CSTF3: variants seen among roughly 807,000 people sequenced by gnomAD.
The protein encoded by CSTF3 is CF-1 77 kDa subunit.
CSTF3 carries 29 observed loss-of-function variants against 105.8 expected under a neutral mutation model. The observed-to-expected ratio is 0.27, with a 90% confidence interval of 0.20 to 0.37. The LOEUF is 0.37. Among genes scored for constraint, CSTF3 ranks in the 10% least tolerant of loss-of-function variants. CSTF3 has a pLI of 1.00. For synonymous variants in CSTF3, 252 were observed against 281.9 expected, an observed-to-expected ratio of 0.89 and a Z score of 1.06; for missense variants, 357 against 879.3, an observed-to-expected ratio of 0.41 and a Z score of 7.51.
chr11:33,152,371 C>T (rs1378834798), intron 1 of CSTF3, among the ~76,000 whole-genome samples: 1 of 152,184 alleles, frequency 6.6e-6, no homozygotes, highest in African/African-American at 2.4e-5. Flanking sequence ...TCGATCAATC[C>T]TCCTGCCTCA....
intron 1 of CSTF3, among the ~76,000 whole-genome samples, chr11:33,159,706 G>A (rs148059001): frequency 6.8e-4 from 104 of 151,864 alleles, no homozygotes; most frequent in African/African-American, 2.4e-3. Context: ...CAGGGAGGTC[G>A]AAGCTATGGT....
At chr11:33,148,523 C>G (rs1026906445) in intron 1 of CSTF3, among the ~76,000 whole-genome samples, 1 of 147,828 alleles carries the variant, frequency 6.8e-6, no homozygotes, top group Non-Finnish European at 1.5e-5. Context: ...ACAGTGACAC[C>G]CCGTCTCTAC....
At chr11:33,130,302 G>GTCTC (rs576293279) in intron 3 of CSTF3, among the ~76,000 whole-genome samples, 1 of 151,942 alleles carries the variant, frequency 6.6e-6, no homozygotes, top group Non-Finnish European at 1.5e-5. Flanking sequence ...GTGAAAGCCT[G>GTCTC]TCTCTACTAA....
chr11:33,138,538 C>G (rs1262758348), intron 3 of CSTF3, among the ~76,000 whole-genome samples: 1 of 151,694 alleles, frequency 6.6e-6, no homozygotes, highest in African/African-American at 2.4e-5. Context: ...TTTATTAAAT[C>G]CAAAAATATA....
chr11:33,103,150 T>C lies in CSTF3; in HGVS notation c.620A>G (p.Glu207Gly). The change falls in exon 9 of 21, where the codon GAA becomes GGA. Residue 207 changes from glutamate (E) to glycine (G), a missense_variant. By Grantham distance (98) the Glu-to-Gly change is moderately conservative (BLOSUM62 -2). Transcript: ENST00000323959. ...INIHLAKKMI[E>G]DRSRDYMNAR... Reference sequence around the variant, plus strand: ...ATTCATATAATCTCTACTCCGATCTTCAATCATTTTTTTAGCTAAATGAAT... The same window carrying C: ...ATTCATATAATCTCTACTCCGATCTCCAATCATTTTTTTAGCTAAATGAAT... The C allele has an allele frequency of 6.4e-7, 1 of 1,569,294 alleles. No homozygotes were observed. Among genetic ancestry groups the C allele is most frequent in the Non-Finnish European group, 8.6e-7 (1 of 1,160,698 alleles).
intron 10 of CSTF3, among the ~76,000 whole-genome samples, chr11:33,101,250 G>A (rs1239855366): frequency 6.6e-6 from 1 of 152,168 alleles, no homozygotes; most frequent in Non-Finnish European, 1.5e-5. Flanking sequence ...AAAGGAGAAA[G>A]CCAGATCCCG....
intron 3 of CSTF3, among the ~76,000 whole-genome samples, chr11:33,134,939 T>C (rs1390206113): frequency 6.6e-6 from 1 of 151,984 alleles, no homozygotes; most frequent in Non-Finnish European, 1.5e-5. Flanking sequence ...TAAAAGGATG[T>C]TAGCTAAATA....
chr11:33,127,000 A>C (rs931486697), intron 3 of CSTF3, among the ~76,000 whole-genome samples: 2 of 152,218 alleles, frequency 1.3e-5, no homozygotes, highest in Non-Finnish European at 2.9e-5. Context: ...ATTTTTGTAG[A>C]TCTGAAGAAA....
intron 1 of CSTF3, among the ~76,000 whole-genome samples, chr11:33,159,175 C>G (rs1214057663): frequency 6.6e-6 from 1 of 152,070 alleles, no homozygotes; most frequent in Non-Finnish European, 1.5e-5. Context: ...ATGCGTGGAC[C>G]AGGCGTGGTG....
rs1216048901 is a variant in CSTF3, at chr11:33,099,689, A to C, written c.855T>G (p.Leu285=). 7 of 1,610,302 alleles carry C rather than the reference A, an allele frequency of 4.3e-6. No homozygotes were observed. In the South Asian group the frequency reaches 7.8e-5, roughly 18 times the overall value. Residue 285 remains leucine (L), a synonymous_variant, in exon 11 of 21, where the codon CTT becomes CTG. Transcript: ENST00000323959. The surrounding 1 kb of genome is among the most constrained non-coding windows in gnomAD (Gnocchi z 4.1). The part of the protein sequence containing the change: ...RVMFAYEQCL[L]VLGHHPDIWY... ...AAATATCAGGGTGATGGCCCAGCAC[A>C]AGCAGGCACTGTTCATAAGCAAACA...
chr11:33,158,386 C>A (rs930472200), intron 1 of CSTF3, among the ~76,000 whole-genome samples: 1 of 152,034 alleles, frequency 6.6e-6, no homozygotes, highest in African/African-American at 2.4e-5. Context: ...GATACTTAAT[C>A]TTTAGGAAGA....
At chr11:33,146,485 C>CA (rs1855784281) in intron 1 of CSTF3, among the ~76,000 whole-genome samples, 1 of 151,700 alleles carries the variant, frequency 6.6e-6, no homozygotes, top group African/African-American at 2.4e-5. Context: ...CCCAGGAGTT[C>CA]AAGGATGCGG....
At chr11:33,106,163 G>GCA in intron 5 of CSTF3, 99 bp from the exon 6 acceptor site, 2 of 826,646 alleles carry the variant, frequency 2.4e-6, no homozygotes, top group Non-Finnish European at 2.0e-6. Context: ...TAATCCCACT[G>GCA]CTTTGGGAGG....
intron 3 of CSTF3, among the ~76,000 whole-genome samples, chr11:33,129,964 A>C (rs1855581921): frequency 6.6e-6 from 1 of 152,202 alleles, no homozygotes. Context: ...CATAGACTGG[A>C]GATGTGCTCA....
chr11:33,085,889 A>C lies in CSTF3; in HGVS notation c.1890+6T>G. ...CAGTATCTACCATGAAAATAAGTGA[A>C]CAAACCTGGAAACAGATAGGAGGAG... is the stretch of plus-strand genomic sequence containing the variant. On this transcript the variant is annotated splice_donor_region_variant and intron_variant, in intron 19 of 20. Transcript: ENST00000323959. The C allele has an allele frequency of 6.3e-7, 1 of 1,579,186 alleles. No homozygotes were observed.
At position 33,161,153 on chromosome 11, in the gene CSTF3, C is replaced by G. The variant is rs376307953; in HGVS notation, c.27+146G>C. On this transcript the variant is annotated intron_variant, in intron 1 of 20. Coordinates refer to ENST00000323959, the MANE Select transcript of CSTF3 (RefSeq NM_001326.3). The stretch of plus-strand genomic sequence containing the variant: ...AAAAAAAATTAAATCTTAGATCTTG[C>G]TCCCCATTCCCACCACTCTTCTATA... 1.9e-4 allele frequency: 136 copies of G among 707,082 alleles called. No individual in the cohort carries two copies. In the East Asian group the frequency reaches 3.4e-3, roughly 18 times the overall value. The allele number at this position is 707,082 out of a possible 1,614,324, so 43.8% of individuals were successfully genotyped here. A position where few individuals can be genotyped will look rare whatever the true frequency, so the allele number is the denominator to read the frequency against.
At chr11:33,156,488 CTTCA>C (rs1849867746) in intron 1 of CSTF3, among the ~76,000 whole-genome samples, 2 of 152,104 alleles carry the variant, frequency 1.3e-5, no homozygotes, top group South Asian at 4.1e-4. Context: ...GACACATACT[CTTCA>C]TTATTTTCTA....
At chr11:33,137,017 T>C (rs1855661737) in intron 3 of CSTF3, among the ~76,000 whole-genome samples, 1 of 151,856 alleles carries the variant, frequency 6.6e-6, no homozygotes, top group Admixed American at 6.6e-5. Context: ...TGTATATGCA[T>C]TTTTTATCAT....
At chr11:33,088,073 G>A (rs999556713) in intron 17 of CSTF3, among the ~76,000 whole-genome samples, 4 of 152,144 alleles carry the variant, frequency 2.6e-5, no homozygotes, top group African/African-American at 9.7e-5. Context: ...TGGAGTTGGT[G>A]ACATCTGGTA....
Sources: allele counts gnomAD v4.1 joint callset (sites outside exome capture counted in the v4.1 genomes callset), GRCh38; gene constraint gnomAD v4.1.1; non-coding constraint Gnocchi (gnomAD v3.1); transcripts MANE v1.5; gene names NCBI Gene and HGNC (gene_info 2026-07-23, HGNC 2026-07-21).